The following PTPRZ1 variants were observed in gnomAD, a reference collection of about 807,000 sequenced individuals.
PTPRZ1 encodes the protein receptor-type tyrosine-protein phosphatase zeta.
Under a neutral mutation model 214.1 loss-of-function variants are expected in PTPRZ1, and 82 were observed. The ratio of observed to expected loss-of-function variants is 0.38; its 90% CI spans 0.32 to 0.46. PTPRZ1 has a LOEUF of 0.46. Ranked by LOEUF, PTPRZ1 falls within the 20% of genes least tolerant of loss-of-function variation. PTPRZ1 has a pLI of 1.00. For missense variants in PTPRZ1, 2,603 were observed against 2,748.7 expected (o/e 0.95, Z 1.19); for synonymous variants, 945 against 987.9 (o/e 0.96, Z 0.81).
At chr7:121,954,494 G>A (rs938669561) in intron 2 of PTPRZ1, among the ~76,000 whole-genome samples, 11 of 151,990 alleles carry the variant, frequency 7.2e-5, no homozygotes, top group African/African-American at 2.7e-4. Context: ...CTTATTTCAA[G>A]TACCTTTTTT....
intron 27 of PTPRZ1, among the ~76,000 whole-genome samples, chr7:122,056,158 T>C (rs890912939): frequency 6.6e-6 from 1 of 151,900 alleles, no homozygotes; most frequent in Non-Finnish European, 1.5e-5. Context: ...CCATCTCTCA[T>C]GCCTTCTCAT....
intron 6 of PTPRZ1, among the ~76,000 whole-genome samples, chr7:121,978,867 G>T (rs889176301): frequency 6.6e-6 from 1 of 152,062 alleles, no homozygotes; most frequent in Non-Finnish European, 1.5e-5. Context: ...CATTTTGAGA[G>T]TTCTTGAATT....
intron 13 of PTPRZ1, among the ~76,000 whole-genome samples, chr7:122,022,708 T>C (rs1799054837): frequency 6.6e-6 from 1 of 152,232 alleles, no homozygotes; most frequent in African/African-American, 2.4e-5. Context: ...GCTTGCACCT[T>C]CAGTATCATA....
chr7:121,951,968 T>TTTA lies in PTPRZ1; in HGVS notation c.125-15981_125-15980insATT, dbSNP rs1303411640. On this transcript the variant is annotated intron_variant, in intron 2 of 29. Coordinates refer to ENST00000393386, the MANE Select transcript of PTPRZ1 (RefSeq NM_002851.3). ...GCGAGTGTATTTATTTATTTATTTT[T>TTTA]TTTTTTTTGAGACGGAGTCTCGCTC... Among the ~76,000 whole-genome samples the TTTA allele has an allele frequency of 2.0e-5, 3 of 150,990 alleles. No individual in the cohort carries two copies. In the East Asian group the frequency reaches 5.9e-4, roughly 30 times the overall value.
chr7:121,909,456 A>G (rs903429744), intron 1 of PTPRZ1, among the ~76,000 whole-genome samples: 1 of 152,200 alleles, frequency 6.6e-6, no homozygotes, highest in African/African-American at 2.4e-5. Flanking sequence ...ACTGCATCAG[A>G]CAATATATTA....
chr7:121,958,986 G>T lies in PTPRZ1; in HGVS notation c.125-8965G>T, dbSNP rs561443404. Among the ~76,000 whole-genome samples the T allele has an allele frequency of 3.2e-4, 49 of 152,172 alleles. 2 individuals are homozygous for T. The highest frequency in any genetic ancestry group is 1.0e-3 in the African/African-American group (43 of 41,508). ...CTACAGGTGCCCACCACCATGGCTGGCTAATTTTTTGTATTTTTAGTAGAG... is the reference window on the plus strand; with the variant it reads ...CTACAGGTGCCCACCACCATGGCTGTCTAATTTTTTGTATTTTTAGTAGAG... On this transcript the variant is annotated intron_variant, in intron 2 of 29. Coordinates refer to ENST00000393386, the MANE Select transcript of PTPRZ1 (RefSeq NM_002851.3).
In PTPRZ1 at chr7:122,013,330, T is replaced by G. The variant is rs199893308; in HGVS notation, c.4284T>G (p.Asp1428Glu). ...DGDTDDDGDDDDDDRGSDGLS... is the reference protein window; with the variant it reads ...DGDTDDDGDDEDDDRGSDGLS... ...ACACTGATGATGATGGTGATGATGA[T>G]GATGATGACAGAGGTAGTGATGGCT... The change falls in exon 12 of 30, where the codon GAT becomes GAG. Residue 1428 changes from aspartate (D) to glutamate (E), a missense_variant. Physicochemically the swap from Asp to Glu is conservative, Grantham distance 45. Coordinates refer to ENST00000393386, the MANE Select transcript of PTPRZ1 (RefSeq NM_002851.3). 1.4e-5 allele frequency: 23 copies of G among 1,614,088 alleles called. 1 individual carries two copies. In the Admixed American group the frequency reaches 3.3e-4, roughly 23 times the overall value.
rs530939818 is a variant in PTPRZ1, at chr7:122,050,444, A to AGAGGGGAGGGGAAGGAAGGGGAGGG, written c.6085-974_6085-973insGAAGGAAGGGGAGGGGAGGGGAGGG. Reference sequence around the variant, plus strand: ...TCTCAAAAAAGAATTGAAGGGGAGGAGAGGGGAGGGAAAAGGAGAGGAGGG... The same window carrying AGAGGGGAGGGGAAGGAAGGGGAGGG: ...TCTCAAAAAAGAATTGAAGGGGAGGAGAGGGGAGGGGAAGGAAGGGGAGGGGAGGGGAGGGAAAAGGAGAGGAGGG... On this transcript the variant is annotated intron_variant, in intron 23 of 29. Coordinates refer to ENST00000393386, the MANE Select transcript of PTPRZ1 (RefSeq NM_002851.3). Among the ~76,000 whole-genome samples, 208 of 35,700 alleles carry AGAGGGGAGGGGAAGGAAGGGGAGGG rather than the reference A, an allele frequency of 5.8e-3. 82 individuals carry two copies. Among genetic ancestry groups the AGAGGGGAGGGGAAGGAAGGGGAGGG allele is most frequent in the Non-Finnish European group, 8.3e-3 (160 of 19,288 alleles). The allele number at this position is 35,700 out of a possible 152,430, so 23.4% of individuals were successfully genotyped here.
At chr7:122,037,088 CG>C (rs1239265928) in intron 18 of PTPRZ1, among the ~76,000 whole-genome samples, 3 of 151,800 alleles carry the variant, frequency 2.0e-5, no homozygotes, top group East Asian at 3.9e-4. Flanking sequence ...CTAGCTAACA[CG>C]GTGAAACCCC....
intron 4 of PTPRZ1, among the ~76,000 whole-genome samples, chr7:121,973,512 C>T (rs1019948466): frequency 6.6e-6 from 1 of 152,102 alleles, no homozygotes; most frequent in Admixed American, 6.5e-5. Flanking sequence ...GGTTACATGA[C>T]ATACAATATA....
chr7:122,009,720 G>A (rs916388174), intron 11 of PTPRZ1, among the ~76,000 whole-genome samples: 2 of 151,902 alleles, frequency 1.3e-5, no homozygotes, highest in Non-Finnish European at 2.9e-5. Context: ...TAAAAAACTA[G>A]GAGTAGAATC....
chr7:121,967,938 T>A lies in PTPRZ1; in HGVS notation c.125-13T>A, dbSNP rs764059588. ...TTTAAGAAACTAAATTTCTTACTCC[T>A]TCTTTTCCCTAGGAGCACTGAATCA... On this transcript the variant is annotated splice_polypyrimidine_tract_variant and intron_variant, in intron 2 of 29. Transcript: ENST00000393386. 4.6e-6 allele frequency: 7 copies of A among 1,525,446 alleles called. No homozygotes were observed. The highest frequency in any genetic ancestry group is 6.2e-6 in the Non-Finnish European group (7 of 1,120,316). 94.5% of individuals were successfully genotyped at this position (1,525,446 alleles called of 1,614,324 possible). A position where few individuals can be genotyped will look rare whatever the true frequency, so the allele number is the denominator to read the frequency against.
intron 4 of PTPRZ1, among the ~76,000 whole-genome samples, chr7:121,973,007 G>A (rs1301414997): frequency 6.6e-6 from 1 of 152,040 alleles, no homozygotes; most frequent in Non-Finnish European, 1.5e-5. Context: ...TGATTAAAAT[G>A]AGAAAAATTT....
In PTPRZ1 at chr7:122,042,481, G is replaced by A. The variant is rs1799760447; in HGVS notation, c.5802-127G>A. 5.6e-6 allele frequency: 5 copies of A among 898,652 alleles called. No homozygotes were observed. The South Asian group carries it at 6.6e-5, about 12-fold the overall frequency. The allele number at this position is 898,652 out of a possible 1,614,324, so 55.7% of individuals were successfully genotyped here. On this transcript the variant is annotated intron_variant, in intron 21 of 29. Coordinates refer to ENST00000393386, the MANE Select transcript of PTPRZ1 (RefSeq NM_002851.3). Reference sequence around the variant, plus strand: ...TGTTTACAATATTGAATTGCCAAATGTATTGTGTGGCTCACTCGCTTGAAG... The same window carrying A: ...TGTTTACAATATTGAATTGCCAAATATATTGTGTGGCTCACTCGCTTGAAG...
In PTPRZ1 at chr7:122,038,893, T is replaced by A. The variant is rs1470629493; in HGVS notation, c.5502+4T>A. 6.2e-7 allele frequency: 1 copy of A among 1,613,558 alleles called. No homozygotes were observed. The highest frequency in any genetic ancestry group is 8.5e-7 in the Non-Finnish European group (1 of 1,179,752). The stretch of plus-strand genomic sequence containing the variant: ...AAACCTCGTGGAGAAAGGAAGGGTA[T>A]GTAGATAATCTGTTATGTCACCCCC... On this transcript the variant is annotated splice_donor_region_variant and intron_variant, in intron 19 of 29. Transcript: ENST00000393386.
intron 8 of PTPRZ1, among the ~76,000 whole-genome samples, chr7:121,984,537 T>C (rs529259121): frequency 6.6e-6 from 1 of 152,094 alleles, no homozygotes; most frequent in South Asian, 2.1e-4. Flanking sequence ...TAAGGAAAAC[T>C]TTATGGGAGA....
chr7:122,033,121 CACTTTT>C (rs1799431828), intron 15 of PTPRZ1, among the ~76,000 whole-genome samples: 1 of 151,910 alleles, frequency 6.6e-6, no homozygotes, highest in Non-Finnish European at 1.5e-5. Context: ...TTCATGTTTT[CACTTTT>C]AAAGTTTTTT....
chr7:121,996,280 A>G, intron 8 of PTPRZ1, 102 bp from the exon 9 acceptor site: 7 of 837,016 alleles, frequency 8.4e-6, no homozygotes, highest in Middle Eastern at 3.8e-4. Context: ...TTTTTACTTT[A>G]CATTGAAATA....
rs1223215544 is a variant in PTPRZ1 at position 121,890,670 on chromosome 7, ATTAC to A, written c.58+17116_58+17119del. On this transcript the variant is annotated intron_variant, in intron 1 of 29. Coordinates refer to ENST00000393386, the MANE Select transcript of PTPRZ1 (RefSeq NM_002851.3). The stretch of plus-strand genomic sequence containing the variant: ...ATTTCTCTTTTTATTTTTTTAAAAA[ATTAC>A]TTTATTATTATTTAGAGACAGGTCT... 2.0e-5 allele frequency among the ~76,000 whole-genome samples: 3 copies of A among 151,882 alleles called. 1 individual carries two copies. Among genetic ancestry groups the A allele is most frequent in the African/African-American group, 7.3e-5 (3 of 41,342 alleles).
Sources: gnomAD v4.1 joint callset for allele counts (sites outside exome capture counted in the v4.1 genomes callset) on GRCh38, gnomAD v4.1.1 for gene constraint, MANE v1.5 for transcripts, NCBI Gene and HGNC (gene_info 2026-07-23, HGNC 2026-07-21) for gene names.